PPM1F: variants seen among roughly 807,000 people sequenced by gnomAD.
PPM1F encodes the protein protein phosphatase, Mg2+/Mn2+ dependent 1F, also known as protein phosphatase 1F.
Under a neutral mutation model 35.5 loss-of-function variants are expected in PPM1F, and 17 were observed. That is an observed-to-expected ratio of 0.48 (90% CI 0.33 to 0.72). PPM1F has a LOEUF of 0.72. Ranked by LOEUF, PPM1F falls within the 30% of genes least tolerant of loss-of-function variation. The pLI is 0.02. For synonymous variants in PPM1F, 241 were observed against 255.5 expected (o/e 0.94, Z 0.54); for missense variants, 521 against 613.0 (o/e 0.85, Z 1.59).
intron 3 of PPM1F, chr22:21,938,448 CGAGAGCGAGGAG>C (rs2070687534): frequency 1.8e-6 from 2 of 1,141,346 alleles, no homozygotes; most frequent in South Asian, 1.7e-5. Flanking sequence ...GGGCAGAGGA[CGAGAGCGAGGAG>C]GAGAGCGCGG....
At chr22:21,929,335 T>C (rs1259448652) in intron 6 of PPM1F, among the ~76,000 whole-genome samples, 1 of 152,156 alleles carries the variant, frequency 6.6e-6, no homozygotes, top group Non-Finnish European at 1.5e-5. Context: ...CTGTGTGTGC[T>C]TCTCTTGTGC....
chr22:21,925,242 C>G (rs921606546), intron 7 of PPM1F: 1 of 405,728 alleles, frequency 2.5e-6, no homozygotes, highest in African/African-American at 2.0e-5. Flanking sequence ...AGCATGAACG[C>G]GGGAGGAGGA....
rs1376678116 is a variant in PPM1F, at chr22:21,934,168, G to A, written c.414C>T (p.Gly138=). The A allele has an allele frequency of 3.2e-6, 5 of 1,578,396 alleles. No homozygotes were observed. The highest frequency in any genetic ancestry group is 3.4e-6 in the Non-Finnish European group (4 of 1,162,002). ...CCAATGGCACCTGCTTCTGCCACTG[G>A]CCGGCGACTTCCCAAAGGCGGTTAA... ...SFFNRLWEVA[G]QWQKQVPLAA... Residue 138 remains glycine (G), a synonymous_variant, in exon 4 of 8, where the codon GGC becomes GGT. Transcript: ENST00000263212.
At chr22:21,938,488 C>A in intron 3 of PPM1F, 6 of 1,100,128 alleles carry the variant, frequency 5.5e-6, no homozygotes, top group East Asian at 9.7e-5. Flanking sequence ...CTGATGCTGG[C>A]GGCCTCGGGT....
rs2070422121 is a variant in PPM1F, at chr22:21,919,457, T to C, written c.*3635A>G. 1 of 152,590 alleles carries C rather than the reference T, an allele frequency of 6.6e-6. No homozygotes were observed. The highest frequency in any genetic ancestry group is 6.5e-5 in the Admixed American group (1 of 15,288). The allele number at this position is 152,590 out of a possible 1,614,324, so 9.5% of individuals were successfully genotyped here. A position where few individuals can be genotyped will look rare whatever the true frequency, so the allele number is the denominator to read the frequency against. On this transcript the variant is annotated 3_prime_UTR_variant, in exon 8 of 8. Coordinates refer to ENST00000263212, the MANE Select transcript of PPM1F (RefSeq NM_014634.4). ...CTTGTGGTTTATTGACACTTCTGCA[T>C]GGTGGGTCCTTGGGAGACTGCCTTT...
intron 3 of PPM1F, chr22:21,938,158 G>C (rs1286510357): frequency 2.3e-6 from 3 of 1,303,134 alleles, no homozygotes; most frequent in Non-Finnish European, 3.0e-6. Context: ...CAGGAGCCCC[G>C]AGCGTAGGAC....
rs201169038 is a variant in PPM1F at position 21,934,063 on chromosome 22, G to A, written c.519C>T (p.His173=). 2.1e-4 allele frequency: 328 copies of A among 1,564,628 alleles called. No individual in the cohort carries two copies. Among genetic ancestry groups the A allele is most frequent in the Non-Finnish European group, 2.8e-4 (320 of 1,154,246 alleles). The change falls in exon 4 of 8, where the codon CAC becomes CAT. Residue 173 remains histidine (H), a synonymous_variant. Transcript: ENST00000263212. ...RNTRRKMEDR[H]VSLPSFNQLF... ...GCTGGTTGAAGGAAGGGAGGGACAC[G>A]TGCCGGTCCTCCATCTTGCGGCGAG...
chr22:21,933,300 C>T, intron 5 of PPM1F, 91 bp downstream of exon 5: 1 of 1,249,034 alleles, frequency 8.0e-7, no homozygotes, highest in Non-Finnish European at 1.1e-6. Context: ...CCTTCCAGCA[C>T]CACCAGCCCC....
intron 5 of PPM1F, 131 bp from the exon 6 acceptor site, chr22:21,931,422 G>T: frequency 1.1e-6 from 1 of 881,534 alleles, no homozygotes; most frequent in Non-Finnish European, 1.7e-6. Flanking sequence ...AGGTGTATAT[G>T]TGTATAAGCC....
At chr22:21,937,981 G>C (rs776758454) in intron 3 of PPM1F, 21 of 826,716 alleles carry the variant, frequency 2.5e-5, no homozygotes, top group Non-Finnish European at 3.4e-5. Context: ...ACGCAATTTT[G>C]TAAGAATGGC....
chr22:21,938,421 C>T (rs1601787344), intron 3 of PPM1F: 1 of 1,156,072 alleles, frequency 8.6e-7, no homozygotes, highest in Non-Finnish European at 1.1e-6. Flanking sequence ...GGAATGCGGG[C>T]AGGGAGCCAG....
intron 3 of PPM1F, chr22:21,935,509 A>C (rs956909510): frequency 2.0e-5 from 3 of 152,204 alleles, no homozygotes; most frequent in African/African-American, 7.2e-5. Context: ...TATACATGGA[A>C]TCTCTTTGTA....
Position 21,933,513 on chromosome 22 carries a change from C to T in PPM1F, c.625G>A (p.Ala209Thr), listed in dbSNP as rs1317363863. Residue 209 changes from alanine (A) to threonine (T), a missense_variant, in exon 5 of 8, where the codon GCC (alanine) becomes ACC (threonine). Transcript: ENST00000263212. ...GCGTTGGTGTGCACGTGGACAGCGGCGTACCTCGCAGCATCCACGCCTCCG... is the reference window on the plus strand; with the variant it reads ...GCGTTGGTGTGCACGTGGACAGCGGTGTACCTCGCAGCATCCACGCCTCCG... ...GHGGVDAARY[A>T]AVHVHTNAAR... The T allele has an allele frequency of 1.4e-5, 22 of 1,613,644 alleles. No individual in the cohort carries two copies. Among genetic ancestry groups the T allele is most frequent in the South Asian group, 7.7e-5 (7 of 91,088 alleles).
At chr22:21,937,826 C>T (rs2070677094) in intron 3 of PPM1F, 6 of 286,826 alleles carry the variant, frequency 2.1e-5, no homozygotes, top group South Asian at 1.1e-4. Flanking sequence ...ACGGACTCCC[C>T]ATGCCAAGGG....
chr22:21,935,499 T>A (rs2070648573), intron 3 of PPM1F: 1 of 152,214 alleles, frequency 6.6e-6, no homozygotes. Context: ...CTGGGTAAAG[T>A]ATACATGGAA....
chr22:21,929,696 G>A, intron 6 of PPM1F, among the ~76,000 whole-genome samples: 1 of 152,200 alleles, frequency 6.6e-6, no homozygotes, highest in Non-Finnish European at 1.5e-5. Flanking sequence ...AGGCAGGGGA[G>A]TGGCAGAGAC....
chr22:21,931,031 T>G, intron 6 of PPM1F, 117 bp downstream of exon 6: 4 of 1,495,240 alleles, frequency 2.7e-6, no homozygotes, highest in Non-Finnish European at 3.6e-6. Flanking sequence ...GCCCTCCCTC[T>G]TGAAAGGTGC....
intron 1 of PPM1F, chr22:21,946,675 G>C (rs1047321820): frequency 1.3e-5 from 2 of 152,610 alleles, no homozygotes; most frequent in East Asian, 3.9e-4. Context: ...AGAGGCTGCT[G>C]GGGCCACCCA....
At chr22:21,942,329 G>A (rs1013910460) in intron 2 of PPM1F, 1 of 151,032 alleles carries the variant, frequency 6.6e-6, no homozygotes, top group African/African-American at 2.5e-5. Context: ...GGAGTGCAAT[G>A]GCGTGATCTC....
Sources: allele counts gnomAD v4.1 joint callset (sites outside exome capture counted in the v4.1 genomes callset), GRCh38; gene constraint gnomAD v4.1.1; transcripts MANE v1.5; gene names NCBI Gene and HGNC (gene_info 2026-07-23, HGNC 2026-07-21).